Variants in ATP12A observed in about 807,000 individuals in gnomAD.
ATP12A encodes the protein ATPase H+/K+ transporting non-gastric alpha2 subunit, also known as potassium-transporting ATPase alpha chain 2.
Under a neutral mutation model 111.2 loss-of-function variants are expected in ATP12A, and 81 were observed. The observed-to-expected ratio is 0.73, with a 90% confidence interval of 0.61 to 0.88. ATP12A has a LOEUF of 0.88. ATP12A is among the 40% of genes least tolerant of loss of function. The pLI is 0.00. For synonymous variants in ATP12A, 498 were observed against 499.8 expected, an observed-to-expected ratio of 1.00 and a Z score of 0.05; for missense variants, 1,196 against 1,313.1, an observed-to-expected ratio of 0.91 and a Z score of 1.38.
chr13:24,711,466 T>A, intron 22 of ATP12A, 28 bp from the exon 23 acceptor site: 1 of 1,614,162 alleles, frequency 6.2e-7, no homozygotes, highest in Non-Finnish European at 8.5e-7. Context: ...ACTCTCCATT[T>A]CTGATGTACT....
chr13:24,685,381 G>A lies in ATP12A; in HGVS notation c.228+8G>A, dbSNP rs745926242. ...GGCACAGACATCATTATGGTGAGTC[G>A]TGGGAACCAGGGATTTGGAAGAGAA... On this transcript the variant is annotated splice_region_variant and intron_variant, in intron 3 of 22. Coordinates refer to ENST00000381946, the MANE Select transcript of ATP12A (RefSeq NM_001676.7). The surrounding 1 kb of genome is among the most constrained non-coding windows in gnomAD (Gnocchi z 5.5). 13 of 1,613,536 alleles carry A rather than the reference G, an allele frequency of 8.1e-6. No individual in the cohort carries two copies. The highest frequency in any genetic ancestry group is 5.0e-5 in the Admixed American group (3 of 60,000).
At position 24,689,390 on chromosome 13, in the gene ATP12A, C is replaced by CCTAT. The variant is rs769133791; in HGVS notation, c.546+17_546+20dup. 6.2e-7 allele frequency: 1 copy of CCTAT among 1,608,264 alleles called. No individual in the cohort carries two copies. The highest frequency in any genetic ancestry group is 8.5e-7 in the Non-Finnish European group (1 of 1,174,884). Reference sequence around the variant, plus strand: ...TGATCCCTCAGGTGAGTGGCAGCCACCTATCCTCTGGCCTCTGGTGACTCC... The same window carrying CCTAT: ...TGATCCCTCAGGTGAGTGGCAGCCACCTATCTATCCTCTGGCCTCTGGTGACTCC... On this transcript the variant is annotated intron_variant, in intron 5 of 22. Coordinates refer to ENST00000381946, the MANE Select transcript of ATP12A (RefSeq NM_001676.7).
At position 24,691,171 on chromosome 13, in the gene ATP12A, A is replaced by T; in HGVS notation, c.989A>T (p.Tyr330Phe). The T allele has an allele frequency of 6.2e-7, 1 of 1,614,110 alleles. No individual in the cohort carries two copies. Among genetic ancestry groups the T allele is most frequent in the Non-Finnish European group, 8.5e-7 (1 of 1,180,010 alleles). Residue 330 changes from tyrosine (Y) to phenylalanine (F), a missense_variant, in exon 8 of 23, where the codon TAT (tyrosine) becomes TTT (phenylalanine). Tyr to Phe is a conservative substitution (Grantham distance 22). Coordinates refer to ENST00000381946, the MANE Select transcript of ATP12A (RefSeq NM_001676.7). ...LFFIIAVSLK[Y>F]QVLDSIIFLI... ...TTCATCATCGCTGTGTCCCTGAAGT[A>T]TCAAGTCCTGGACTCCATCATCTTC...
At position 24,692,399 on chromosome 13, in the gene ATP12A, T is replaced by G. The variant is rs755907407; in HGVS notation, c.1069-30T>G. The G allele has an allele frequency of 3.7e-6, 6 of 1,607,744 alleles. No homozygotes were observed. In the East Asian group the frequency reaches 1.1e-4, roughly 30 times the overall value. On this transcript the variant is annotated intron_variant, in intron 8 of 22. Coordinates refer to ENST00000381946, the MANE Select transcript of ATP12A (RefSeq NM_001676.7). Reference sequence around the variant, plus strand: ...TGGACCTGAGTTCAAATGAGGATTTTTCCCAAAGCGTCCTTCCCTCTCCTG... The same window carrying G: ...TGGACCTGAGTTCAAATGAGGATTTGTCCCAAAGCGTCCTTCCCTCTCCTG...
chr13:24,690,404 A>G lies in ATP12A; in HGVS notation c.613A>G (p.Ile205Val), dbSNP rs142334583. ...TTCAGAGCAGCTGGTGGTGGGGGAC[A>G]TTGTGGAGGTCAAAGGAGGAGACCA... The part of the protein sequence containing the change: ...IPSEQLVVGD[I>V]VEVKGGDQIP... The change falls in exon 6 of 23, where the codon ATT becomes GTT. Residue 205 changes from isoleucine (I) to valine (V), a missense_variant. Transcript: ENST00000381946. The G allele has an allele frequency of 3.8e-5, 61 of 1,612,994 alleles. 1 individual carries two copies. The African/African-American group carries it at 7.2e-4, about 19-fold the overall frequency.
At chr13:24,689,576 G>A (rs757284250) in intron 5 of ATP12A, among the ~76,000 whole-genome samples, 3 of 152,224 alleles carry the variant, frequency 2.0e-5, no homozygotes, top group African/African-American at 4.8e-5. Context: ...CCAGGGCAGT[G>A]CTGGTTAGCC....
Position 24,692,915 on chromosome 13 carries a change from T to C in ATP12A, c.1377+19T>C. On this transcript the variant is annotated intron_variant, in intron 10 of 22. Coordinates refer to ENST00000381946, the MANE Select transcript of ATP12A (RefSeq NM_001676.7). ...CATGAAGGTAATGCTTCTGCAGCAC[T>C]TGGTCTTAAATCACAGCCAGTTTGT... is the stretch of plus-strand genomic sequence containing the variant. The C allele has an allele frequency of 6.2e-7, 1 of 1,606,528 alleles. No individual in the cohort carries two copies. The highest frequency in any genetic ancestry group is 8.5e-7 in the Non-Finnish European group (1 of 1,173,278).
rs1276685283 is a variant in ATP12A at position 24,706,447 on chromosome 13, A to G, written c.2153A>G (p.Glu718Gly). ...TSPQQKLIIVEGCQRQDAVVA... is the reference protein window; with the variant it reads ...TSPQQKLIIVGGCQRQDAVVA... ...CCCCAGCAGAAGCTGATCATTGTGG[A>G]GGGCTGTCAGAGGCAGGTGGGTGGA... The change falls in exon 15 of 23, where the codon GAG (glutamate) becomes GGG (glycine). Residue 718 changes from glutamate (E) to glycine (G), a missense_variant. By Grantham distance (98) the Glu-to-Gly change is moderately conservative (BLOSUM62 -2). This residue lies in a region of ATP12A where 1,126 missense variants were observed against 1,228.5 expected (regional missense o/e 0.92). Transcript: ENST00000381946. 1 of 1,614,010 alleles carries G rather than the reference A, an allele frequency of 6.2e-7. No individual in the cohort carries two copies. The highest frequency in any genetic ancestry group is 1.7e-5 in the Admixed American group (1 of 60,020).
chr13:24,705,235 T>C (rs1430166959), intron 14 of ATP12A, among the ~76,000 whole-genome samples: 1 of 152,222 alleles, frequency 6.6e-6, no homozygotes, highest in Non-Finnish European at 1.5e-5. Flanking sequence ...TGCCCATTCC[T>C]GGTCAGGGAG....
Position 24,689,306 on chromosome 13 carries a change from G to A in ATP12A, c.477G>A (p.Gly159=), listed in dbSNP as rs1265826176. The change falls in exon 5 of 23, where the codon GGG becomes GGA. Residue 159 remains glycine (G), a synonymous_variant. Transcript: ENST00000381946. The part of the protein sequence containing the change: ...CVLGLVVILT[G]IFAYYQEAKS... ...TTGGTCTGGTGGTCATTTTAACGGG[G>A]ATCTTTGCTTATTACCAAGAGGCAA... The A allele has an allele frequency of 6.2e-7, 1 of 1,614,074 alleles. No individual in the cohort carries two copies. Among genetic ancestry groups the A allele is most frequent in the Non-Finnish European group, 8.5e-7 (1 of 1,180,002 alleles).
At chr13:24,709,623 G>C in intron 18 of ATP12A, 60 bp from the exon 19 acceptor site, 1 of 1,601,952 alleles carries the variant, frequency 6.2e-7, no homozygotes, top group Non-Finnish European at 8.5e-7. Flanking sequence ...GAGTAGACAG[G>C]ATGAGGCAGT....
intron 9 of ATP12A, 62 bp from the exon 10 acceptor site, chr13:24,692,725 A>T: frequency 6.3e-7 from 1 of 1,599,662 alleles, no homozygotes; most frequent in Non-Finnish European, 8.6e-7. Context: ...GGATTGCTGG[A>T]CAGTGACTCA....
chr13:24,680,795 G>A, intron 1 of ATP12A, 43 bp downstream of exon 1: 2 of 1,473,014 alleles, frequency 1.4e-6, no homozygotes, highest in Non-Finnish European at 1.8e-6. Context: ...GAGACGCTGG[G>A]CCAAGGCCCC....
intron 2 of ATP12A, among the ~76,000 whole-genome samples, chr13:24,684,603 G>A (rs1874601714): frequency 6.6e-6 from 1 of 152,146 alleles, no homozygotes; most frequent in South Asian, 2.1e-4. Context: ...GGGGAAAAAT[G>A]GAAACATTTT....
At chr13:24,696,357 A>G (rs1875150672) in intron 11 of ATP12A, among the ~76,000 whole-genome samples, 1 of 152,066 alleles carries the variant, frequency 6.6e-6, no homozygotes. Context: ...AGCAGGTTCC[A>G]TGAGGCCTCA....
rs773640299 is a variant in ATP12A, at chr13:24,691,289, T to G, written c.1068+39T>G. The G allele has an allele frequency of 2.5e-6, 4 of 1,577,408 alleles. No individual in the cohort carries two copies. The Admixed American group carries it at 6.8e-5, about 27-fold the overall frequency. ...GTTAGACAGCCTGCACCTGGCCCTG[T>G]GGACACAGCACTGGTGCTGGGGAGG... On this transcript the variant is annotated intron_variant, in intron 8 of 22. Transcript: ENST00000381946.
chr13:24,681,885 T>C (rs1208398013), intron 2 of ATP12A, among the ~76,000 whole-genome samples, 165 bp downstream of exon 2: 2 of 146,004 alleles, frequency 1.4e-5, no homozygotes, highest in African/African-American at 5.1e-5. Flanking sequence ...GTGTGGTGTG[T>C]GTGTGTGGTG....
intron 2 of ATP12A, among the ~76,000 whole-genome samples, chr13:24,682,977 A>G (rs1163355250): frequency 2.6e-5 from 3 of 113,278 alleles, no homozygotes; most frequent in Admixed American, 8.2e-5. Context: ...TTTTTTTGAG[A>G]CAGAGTTTCG....
intron 8 of ATP12A, 94 bp downstream of exon 8, chr13:24,691,344 T>C: frequency 7.0e-7 from 1 of 1,435,950 alleles, no homozygotes; most frequent in Non-Finnish European, 9.3e-7. Flanking sequence ...CTCCCCCAAG[T>C]CCAGAGCACC....
Sources: gnomAD v4.1 joint callset for allele counts (sites outside exome capture counted in the v4.1 genomes callset) on GRCh38, gnomAD v4.1.1 for gene constraint, gnomAD v4.1.1 regional missense constraint, Gnocchi (gnomAD v3.1) non-coding constraint, MANE v1.5 for transcripts, NCBI Gene and HGNC (gene_info 2026-07-23, HGNC 2026-07-21) for gene names.